Variants in CRY2 observed in about 807,000 individuals in gnomAD.
The protein encoded by CRY2 is cryptochrome-2.
A neutral mutation model predicts 69.5 loss-of-function variants in CRY2; 31 were observed. The ratio of observed to expected loss-of-function variants is 0.45; its 90% CI spans 0.34 to 0.60. CRY2 has a LOEUF of 0.60. CRY2 is among the 20% of genes least tolerant of loss of function. The pLI is 0.02. For missense variants in CRY2, 606 were observed against 797.8 expected, an observed-to-expected ratio of 0.76 and a Z score of 2.90; for synonymous variants, 303 against 312.2, an observed-to-expected ratio of 0.97 and a Z score of 0.31.
intron 1 of CRY2, among the ~76,000 whole-genome samples, chr11:45,851,747 A>G (rs979410334): frequency 2.0e-5 from 3 of 152,226 alleles, no homozygotes; most frequent in African/African-American, 7.2e-5. Flanking sequence ...ATCCTTTTCC[A>G]TGGGGCTTAA....
chr11:45,874,893 A>G (rs981658025), intron 11 of CRY2, among the ~76,000 whole-genome samples: 2 of 152,216 alleles, frequency 1.3e-5, no homozygotes, highest in Admixed American at 6.5e-5. Flanking sequence ...CAGTGAGCCA[A>G]GATCGTACCA....
At chr11:45,877,909 T>G (rs765971068) in intron 11 of CRY2, among the ~76,000 whole-genome samples, 20 of 152,232 alleles carry the variant, frequency 1.3e-4, no homozygotes, top group Non-Finnish European at 2.4e-4. Context: ...CTTCTAAACC[T>G]TGGTTTTCTG....
At chr11:45,874,802 G>A (rs2086413165) in intron 11 of CRY2, among the ~76,000 whole-genome samples, 1 of 152,094 alleles carries the variant, frequency 6.6e-6, no homozygotes, top group South Asian at 2.1e-4. Context: ...AATTAGCCAG[G>A]CGTGGTGGCA....
intron 1 of CRY2, among the ~76,000 whole-genome samples, chr11:45,850,158 A>C (rs984388161): frequency 5.3e-5 from 8 of 151,616 alleles, no homozygotes; most frequent in African/African-American, 1.9e-4. Flanking sequence ...GCAGGCATGC[A>C]CCACCATGCC....
chr11:45,860,809 G>A lies in CRY2; in HGVS notation c.468-39G>A. On this transcript the variant is annotated intron_variant, in intron 3 of 11. Coordinates refer to ENST00000616080, the MANE Select transcript of CRY2 (RefSeq NM_021117.5). ...GGTGGGCAGGGACCCACATCACAGGGCCATGTGGGTAACACTAGCTATGCT... is the reference window on the plus strand; with the variant it reads ...GGTGGGCAGGGACCCACATCACAGGACCATGTGGGTAACACTAGCTATGCT... The A allele has an allele frequency of 1.9e-6, 3 of 1,603,778 alleles. No homozygotes were observed. In the Admixed American group the frequency reaches 5.0e-5, roughly 27 times the overall value.
intron 3 of CRY2, among the ~76,000 whole-genome samples, chr11:45,860,372 T>C (rs541547618): frequency 6.4e-5 from 9 of 139,672 alleles, no homozygotes; most frequent in African/African-American, 2.4e-4. Flanking sequence ...TGCTATTCCT[T>C]ATGATGTTAG....
At chr11:45,867,503 G>A in intron 5 of CRY2, 109 bp from the exon 6 acceptor site, 1 of 1,427,308 alleles carries the variant, frequency 7.0e-7, no homozygotes. Flanking sequence ...ATGGCTCCAT[G>A]GCTGGCTGTT....
chr11:45,867,781 A>T (rs2086343312), intron 6 of CRY2, 29 bp downstream of exon 6: 1 of 1,613,546 alleles, frequency 6.2e-7, no homozygotes, highest in South Asian at 1.1e-5. Flanking sequence ...CCCACATTGC[A>T]CCTAAGGCCT....
In CRY2 at chr11:45,865,352, T is replaced by C. The variant is rs1352829286; in HGVS notation, c.742-2260T>C. On this transcript the variant is annotated intron_variant, in intron 5 of 11. Transcript: ENST00000616080. The stretch of plus-strand genomic sequence containing the variant: ...CAAAGCTCTGTTTCCCAAACCTTGG[T>C]GGCTATTGCGTGGATGTTTGCCTTA... 2.0e-5 allele frequency among the ~76,000 whole-genome samples: 3 copies of C among 152,236 alleles called. No individual in the cohort carries two copies. In the East Asian group the frequency reaches 5.8e-4, roughly 29 times the overall value.
Position 45,872,273 on chromosome 11 carries a change from T to C in CRY2, c.*2+40T>C, listed in dbSNP as rs375276078. 3.1e-4 allele frequency: 492 copies of C among 1,595,300 alleles called. 3 individuals carry two copies. In the South Asian group the frequency reaches 5.0e-3, roughly 16 times the overall value. ...CCTAGATTCAACCTCAGGAAGGAAGTTGGGAGTGGGGGGGCCTACTGCCCT... is the reference window on the plus strand; with the variant it reads ...CCTAGATTCAACCTCAGGAAGGAAGCTGGGAGTGGGGGGGCCTACTGCCCT... On this transcript the variant is annotated intron_variant, in intron 11 of 11. Coordinates refer to ENST00000616080, the MANE Select transcript of CRY2 (RefSeq NM_021117.5).
At chr11:45,869,467 G>T in intron 6 of CRY2, 39 bp from the exon 7 acceptor site, 1 of 1,563,830 alleles carries the variant, frequency 6.4e-7, no homozygotes, top group Non-Finnish European at 8.7e-7. Flanking sequence ...CTAAGAGCTG[G>T]GCGAGTGTTT....
At chr11:45,856,151 CCTGAGTGATATGATATTCCGA>C in intron 2 of CRY2, 61 bp downstream of exon 2, 2 of 1,291,684 alleles carry the variant, frequency 1.5e-6, no homozygotes, top group Non-Finnish European at 2.2e-6. Flanking sequence ...TTCCCCACAG[CCTGAGTGATATGATATTCCGA>C]CTGAGGGAAT....
chr11:45,856,070 G>A lies in CRY2; in HGVS notation c.304G>A (p.Val102Met), dbSNP rs200945082. 4.9e-5 allele frequency: 79 copies of A among 1,613,998 alleles called. No individual in the cohort carries two copies. Among genetic ancestry groups the A allele is most frequent in the Non-Finnish European group, 5.8e-5 (69 of 1,179,970 alleles). Residue 102 changes from valine (V) to methionine (M), a missense_variant, in exon 2 of 12, where the codon GTG becomes ATG. Transcript: ENST00000616080. ...LFVVRGQPAD[V>M]FPRLFKEWGV... is the part of the protein sequence containing the mutation. Reference sequence around the variant, plus strand: ...TGTAGTCCGGGGACAGCCAGCCGACGTGTTCCCAAGGCTGTTCAAGGTAAG... The same window carrying A: ...TGTAGTCCGGGGACAGCCAGCCGACATGTTCCCAAGGCTGTTCAAGGTAAG...
chr11:45,872,463 G>A (rs139485331), intron 11 of CRY2, among the ~76,000 whole-genome samples: 8 of 152,154 alleles, frequency 5.3e-5, no homozygotes, highest in Non-Finnish European at 7.4e-5. Flanking sequence ...CCATTGGGCC[G>A]GCTATGGTGG....
intron 2 of CRY2, among the ~76,000 whole-genome samples, chr11:45,856,823 T>C (rs993532497): frequency 1.3e-5 from 2 of 152,110 alleles, no homozygotes; most frequent in Non-Finnish European, 2.9e-5. Context: ...GGTCAGCCTT[T>C]CTGAGGAAGC....
intron 11 of CRY2, among the ~76,000 whole-genome samples, chr11:45,873,574 G>A (rs1014704619): frequency 2.0e-5 from 3 of 152,228 alleles, no homozygotes; most frequent in African/African-American, 4.8e-5. Flanking sequence ...GAGGTTAAAT[G>A]TCTGGGTCAA....
chr11:45,853,629 G>T (rs1308791351), intron 1 of CRY2, among the ~76,000 whole-genome samples: 1 of 150,110 alleles, frequency 6.7e-6, no homozygotes, highest in East Asian at 1.9e-4. Flanking sequence ...ACACTCCTGG[G>T]AGCTGCAGAT....
intron 4 of CRY2, 167 bp from the exon 5 acceptor site, chr11:45,861,893 G>C (rs559855315): frequency 1.9e-5 from 12 of 622,494 alleles, no homozygotes; most frequent in East Asian, 1.7e-4. Flanking sequence ...TGTGGGAAGA[G>C]AACCAAGTTG....
intron 11 of CRY2, among the ~76,000 whole-genome samples, chr11:45,876,175 T>G (rs2086422856): frequency 6.6e-6 from 1 of 152,234 alleles, no homozygotes; most frequent in South Asian, 2.1e-4. Flanking sequence ...TGAATAGTCA[T>G]TCTTCATCAG....
Sources: allele counts gnomAD v4.1 joint callset (sites outside exome capture counted in the v4.1 genomes callset), GRCh38; gene constraint gnomAD v4.1.1; transcripts MANE v1.5; gene names NCBI Gene and HGNC (gene_info 2026-07-23, HGNC 2026-07-21).